Variants in GAS2 observed in about 807,000 individuals in gnomAD.
GAS2 encodes growth arrest specific 2.
Under a neutral mutation model 37.5 loss-of-function variants are expected in GAS2, and 20 were observed. That is an observed-to-expected ratio of 0.53 (90% CI 0.37 to 0.77). The LOEUF is 0.77. Ranked by LOEUF, GAS2 falls within the 30% of genes least tolerant of loss-of-function variation. The pLI is 0.00. For synonymous variants in GAS2, 144 were observed against 132.2 expected (o/e 1.09, Z -0.61); for missense variants, 336 against 373.4 (o/e 0.90, Z 0.82).
chr11:22,786,210 A>T (rs1040092619), intron 7 of GAS2, among the ~76,000 whole-genome samples: 16 of 152,132 alleles, frequency 1.1e-4, no homozygotes, highest in African/African-American at 3.1e-4. Flanking sequence ...TTGAAAATAG[A>T]TTTACATTTA....
intron 2 of GAS2, among the ~76,000 whole-genome samples, chr11:22,685,029 A>G (rs983139504): frequency 6.6e-6 from 1 of 152,106 alleles, no homozygotes; most frequent in Non-Finnish European, 1.5e-5. Context: ...GGTGCACCCT[A>G]GATTACATGA....
At chr11:22,766,387 G>A (rs972053524) in intron 7 of GAS2, among the ~76,000 whole-genome samples, 1 of 152,000 alleles carries the variant, frequency 6.6e-6, no homozygotes, top group Admixed American at 6.6e-5. Flanking sequence ...TGAATTTAAT[G>A]TATCTGATTT....
At chr11:22,710,532 T>C (rs1404751710) in intron 3 of GAS2, among the ~76,000 whole-genome samples, 1 of 151,812 alleles carries the variant, frequency 6.6e-6, no homozygotes, top group African/African-American at 2.4e-5. Context: ...TATATATATA[T>C]ATGTTTCTTA....
At chr11:22,628,605 C>A (rs946053815) in intron 1 of GAS2, among the ~76,000 whole-genome samples, 4 of 151,898 alleles carry the variant, frequency 2.6e-5, no homozygotes, top group Non-Finnish European at 5.9e-5. Context: ...ATAAAACTTT[C>A]TTGTCGTCTT....
At chr11:22,648,321 T>A (rs7120148) in intron 1 of GAS2, among the ~76,000 whole-genome samples, 2 of 152,048 alleles carry the variant, frequency 1.3e-5, no homozygotes, top group African/African-American at 4.8e-5. Flanking sequence ...GTTTTGGTTA[T>A]TGTAGCCTTG....
At chr11:22,662,976 C>A (rs959208779), upstream of GAS2, among the ~76,000 whole-genome samples, 13 of 152,072 alleles carry the variant, frequency 8.5e-5, no homozygotes, top group African/African-American at 2.9e-4. Context: ...GAGACTGGGT[C>A]ATTTATAAAG....
At chr11:22,766,768 A>G (rs185930385) in intron 7 of GAS2, among the ~76,000 whole-genome samples, 1 of 152,316 alleles carries the variant, frequency 6.6e-6, no homozygotes, top group Admixed American at 6.5e-5. Flanking sequence ...CTAGGAATGA[A>G]GAAACTAAGG....
intron 7 of GAS2, among the ~76,000 whole-genome samples, chr11:22,801,788 T>C (rs12281140): frequency 0.22 from 33,010 of 151,970 alleles, 4,755 homozygotes; most frequent in African/African-American, 0.41. Context: ...TTAATCCTCT[T>C]AATTTCAACA....
chr11:22,662,532 TG>T (rs1328811936), upstream of GAS2, among the ~76,000 whole-genome samples: 14 of 152,204 alleles, frequency 9.2e-5, no homozygotes, highest in Admixed American at 9.2e-4. Context: ...CAAGAAAGGT[TG>T]TTGAAATAAA....
At chr11:22,782,925 T>A (rs564935869) in intron 7 of GAS2, among the ~76,000 whole-genome samples, 1 of 152,122 alleles carries the variant, frequency 6.6e-6, no homozygotes, top group Non-Finnish European at 1.5e-5. Flanking sequence ...CATGTGTTCC[T>A]TTGGTAGAAT....
intron 3 of GAS2, 132 bp downstream of exon 3, chr11:22,685,921 A>G: frequency 1.4e-6 from 1 of 702,686 alleles, no homozygotes; most frequent in Admixed American, 3.6e-5. Context: ...AAGTACAGAG[A>G]GTTCTTTTTA....
At chr11:22,719,522 T>C (rs906648409) in intron 3 of GAS2, among the ~76,000 whole-genome samples, 2 of 146,530 alleles carry the variant, frequency 1.4e-5, no homozygotes, top group Non-Finnish European at 2.9e-5. Context: ...GGGTTCACTC[T>C]TAGTGTTAAA....
In GAS2 at chr11:22,726,526, T is replaced by G. The variant is rs1278424675; in HGVS notation, c.409+93T>G. 8.7e-6 allele frequency: 9 copies of G among 1,037,308 alleles called. No homozygotes were observed. In the East Asian group the frequency reaches 2.0e-4, roughly 23 times the overall value. 64.3% of individuals were successfully genotyped at this position (1,037,308 alleles called of 1,614,324 possible). ...CCATCAAAAAGTTTTTTGTATGATG[T>G]CATTTTGCAGATTATTAGCTTAAAA... On this transcript the variant is annotated intron_variant, in intron 4 of 7. Coordinates refer to ENST00000454584, the MANE Select transcript of GAS2 (RefSeq NM_001143830.3).
chr11:22,788,932 G>T (rs1855955035), intron 7 of GAS2, among the ~76,000 whole-genome samples: 1 of 151,860 alleles, frequency 6.6e-6, no homozygotes, highest in Non-Finnish European at 1.5e-5. Flanking sequence ...CCATATCACA[G>T]TGTCTACCAA....
At chr11:22,802,641 A>G (rs1237162881) in intron 7 of GAS2, among the ~76,000 whole-genome samples, 2 of 152,034 alleles carry the variant, frequency 1.3e-5, no homozygotes, top group Non-Finnish European at 2.9e-5. Context: ...TAACATGCAA[A>G]AACTACTGCT....
intron 2 of GAS2, among the ~76,000 whole-genome samples, 177 bp downstream of exon 2, chr11:22,675,191 G>A (rs1244039464): frequency 6.6e-6 from 1 of 152,202 alleles, no homozygotes; most frequent in Non-Finnish European, 1.5e-5. Flanking sequence ...ATTTCCCAAT[G>A]TCTGTCATAT....
At chr11:22,744,349 A>G (rs1853256575) in intron 5 of GAS2, among the ~76,000 whole-genome samples, 1 of 152,140 alleles carries the variant, frequency 6.6e-6, no homozygotes, top group South Asian at 2.1e-4. Flanking sequence ...CAATGAAAAA[A>G]GAAAACTACA....
chr11:22,699,975 T>C (rs556266595), intron 3 of GAS2, among the ~76,000 whole-genome samples: 1 of 152,262 alleles, frequency 6.6e-6, no homozygotes, highest in African/African-American at 2.4e-5. Flanking sequence ...AATATGCTCT[T>C]ACCTAAGAAG....
intron 7 of GAS2, among the ~76,000 whole-genome samples, chr11:22,790,090 CAT>C (rs977950193): frequency 6.6e-6 from 1 of 152,152 alleles, no homozygotes; most frequent in African/African-American, 2.4e-5. Flanking sequence ...CTACCTAACA[CAT>C]GTTACAGCCA....
Sources: gnomAD v4.1 joint callset for allele counts (sites outside exome capture counted in the v4.1 genomes callset) on GRCh38, gnomAD v4.1.1 for gene constraint, MANE v1.5 for transcripts, NCBI Gene and HGNC (gene_info 2026-07-23, HGNC 2026-07-21) for gene names.